The following NKAIN3 variants were observed in gnomAD, a reference collection of about 807,000 sequenced individuals.
NKAIN3 encodes the protein sodium/potassium transporting ATPase interacting 3.
In NKAIN3, 25 loss-of-function variants were observed where a neutral mutation model predicts 30.2. That is an observed-to-expected ratio of 0.83 (90% CI 0.60 to 1.16). NKAIN3 has a LOEUF of 1.16. Ranked by LOEUF, NKAIN3 falls within the 50% of genes most tolerant of loss-of-function variation. The probability of loss-of-function intolerance (pLI) is 0.00; values close to 1 mark genes in which losing one functional copy is unlikely to be tolerated. For synonymous variants in NKAIN3, 91 were observed against 89.6 expected, an observed-to-expected ratio of 1.02 and a Z score of -0.09; for missense variants, 225 against 254.1, an observed-to-expected ratio of 0.89 and a Z score of 0.78.
intron 1 of NKAIN3, among the ~76,000 whole-genome samples, chr8:62,344,304 A>T (rs1203838176): frequency 6.6e-6 from 1 of 152,136 alleles, no homozygotes; most frequent in Non-Finnish European, 1.5e-5. Flanking sequence ...ACATAAGTGC[A>T]TTATGTAATT....
At chr8:62,911,649 T>C (rs188625270) in intron 4 of NKAIN3, among the ~76,000 whole-genome samples, 97 of 152,104 alleles carry the variant, frequency 6.4e-4, no homozygotes, top group African/African-American at 2.2e-3. Context: ...TCTAGCTCTT[T>C]AGGTTTCAAA....
chr8:62,254,384 C>A (rs1181182999), intron 1 of NKAIN3, among the ~76,000 whole-genome samples: 1 of 151,902 alleles, frequency 6.6e-6, no homozygotes, highest in Non-Finnish European at 1.5e-5. Flanking sequence ...GATGAGATCA[C>A]CTTGGGAGAG....
intron 4 of NKAIN3, among the ~76,000 whole-genome samples, chr8:62,755,133 T>G (rs1475509254): frequency 6.6e-6 from 1 of 152,208 alleles, no homozygotes; most frequent in Non-Finnish European, 1.5e-5. Flanking sequence ...GTTATTATAG[T>G]CATTTTATAT....
At chr8:62,491,469 A>G (rs1393287710) in intron 1 of NKAIN3, among the ~76,000 whole-genome samples, 1 of 152,118 alleles carries the variant, frequency 6.6e-6, no homozygotes, top group East Asian at 1.9e-4. Flanking sequence ...CCACATGTGA[A>G]TGGTCTTTTG....
At chr8:62,925,539 G>A (rs1822409405) in intron 5 of NKAIN3, among the ~76,000 whole-genome samples, 1 of 152,196 alleles carries the variant, frequency 6.6e-6, no homozygotes, top group South Asian at 2.1e-4. Context: ...CCAGCAAGCA[G>A]ACAACTCCTG....
At chr8:62,890,032 T>C (rs1313585795) in intron 4 of NKAIN3, among the ~76,000 whole-genome samples, 3 of 152,176 alleles carry the variant, frequency 2.0e-5, no homozygotes, top group Non-Finnish European at 4.4e-5. Flanking sequence ...AATTAGAGTG[T>C]GGTGTGTAGA....
chr8:62,304,341 A>G (rs1019058292), intron 1 of NKAIN3, among the ~76,000 whole-genome samples: 5 of 150,446 alleles, frequency 3.3e-5, no homozygotes, highest in African/African-American at 1.3e-4. Flanking sequence ...TCCACTAAGA[A>G]GCTGTTTTCT....
At chr8:62,570,553 TCC>T (rs1809903406) in intron 1 of NKAIN3, among the ~76,000 whole-genome samples, 1 of 152,000 alleles carries the variant, frequency 6.6e-6, no homozygotes, top group Non-Finnish European at 1.5e-5. Flanking sequence ...GGAGGGAAAC[TCC>T]CATTTTTAAA....
chr8:62,430,366 GGT>G (rs59837325), intron 1 of NKAIN3, among the ~76,000 whole-genome samples: 38,614 of 142,284 alleles, frequency 0.27, 5,082 homozygotes, highest in Middle Eastern at 0.4. Flanking sequence ...TATATATTGT[GGT>G]GTGTGTGTGT....
chr8:62,893,644 A>ATGTGTGTG (rs71559382), intron 4 of NKAIN3, among the ~76,000 whole-genome samples: 360 of 151,304 alleles, frequency 2.4e-3, no homozygotes, highest in South Asian at 7.7e-3. Flanking sequence ...TACTCCTTGA[A>ATGTGTGTG]TGTGTGTGTG....
chr8:62,759,136 A>G (rs1202613289), intron 4 of NKAIN3, among the ~76,000 whole-genome samples: 1 of 152,178 alleles, frequency 6.6e-6, no homozygotes, highest in African/African-American at 2.4e-5. Context: ...CCACATCAAA[A>G]TTATTGTCTG....
intron 2 of NKAIN3, among the ~76,000 whole-genome samples, chr8:62,585,798 C>T (rs1810453295): frequency 6.6e-6 from 1 of 152,080 alleles, no homozygotes; most frequent in African/African-American, 2.4e-5. Context: ...TGGCTATAGA[C>T]AGTATGAAGC....
At chr8:62,528,809 C>G (rs1808398418) in intron 1 of NKAIN3, among the ~76,000 whole-genome samples, 1 of 152,132 alleles carries the variant, frequency 6.6e-6, no homozygotes, top group South Asian at 2.1e-4. Context: ...AGCTTGCTCC[C>G]TGGCACAGTA....
At chr8:62,437,574 G>A (rs1805207211) in intron 1 of NKAIN3, among the ~76,000 whole-genome samples, 1 of 152,152 alleles carries the variant, frequency 6.6e-6, no homozygotes, top group Admixed American at 6.5e-5. Flanking sequence ...GCCATGCAAG[G>A]AAAGGGCTAT....
At chr8:62,762,273 G>A (rs115393926) in intron 4 of NKAIN3, among the ~76,000 whole-genome samples, 1,543 of 151,832 alleles carry the variant, frequency 0.01, 27 homozygotes, top group African/African-American at 0.034. Flanking sequence ...CCAAGATAAG[G>A]CCAGTGCAGT....
At chr8:62,920,322 A>G (rs1822241140) in intron 5 of NKAIN3, among the ~76,000 whole-genome samples, 1 of 152,234 alleles carries the variant, frequency 6.6e-6, no homozygotes, top group African/African-American at 2.4e-5. Context: ...TAAACTGGTC[A>G]AAGACTCTCA....
intron 1 of NKAIN3, among the ~76,000 whole-genome samples, chr8:62,533,942 G>A (rs4421349): frequency 0.1 from 15,546 of 152,196 alleles, 1,056 homozygotes; most frequent in Non-Finnish European, 0.14. Context: ...GGAATATGAG[G>A]GAGAATGTGG....
intron 1 of NKAIN3, among the ~76,000 whole-genome samples, chr8:62,371,156 G>A (rs1312812098): frequency 6.6e-6 from 1 of 151,746 alleles, no homozygotes; most frequent in East Asian, 1.9e-4. Flanking sequence ...TAATACCCCT[G>A]CAAAGCCAAG....
intron 1 of NKAIN3, among the ~76,000 whole-genome samples, chr8:62,467,673 A>T (rs11989743): frequency 0.18 from 27,716 of 152,154 alleles, 2,648 homozygotes; most frequent in African/African-American, 0.21. Context: ...TCTCTCAGTG[A>T]ATTATTTTTA....
Sources: allele counts gnomAD v4.1 joint callset (sites outside exome capture counted in the v4.1 genomes callset), GRCh38; gene constraint gnomAD v4.1.1; transcripts MANE v1.5; gene names NCBI Gene and HGNC (gene_info 2026-07-23, HGNC 2026-07-21).